The following NKIRAS1 variants were observed in gnomAD, a reference collection of about 807,000 sequenced individuals.
The protein encoded by NKIRAS1 is NFKB inhibitor interacting Ras like 1.
In NKIRAS1, 16 loss-of-function variants were observed where a neutral mutation model predicts 19.8. The observed-to-expected ratio is 0.81, with a 90% confidence interval of 0.55 to 1.23. The LOEUF is 1.23. Among genes scored for constraint, NKIRAS1 ranks in the 50% most tolerant of loss-of-function variants. The pLI is 0.00. For synonymous variants in NKIRAS1, 88 were observed against 79.0 expected, an observed-to-expected ratio of 1.11 and a Z score of -0.61; for missense variants, 184 against 220.0, an observed-to-expected ratio of 0.84 and a Z score of 1.04.
intron 1 of NKIRAS1, among the ~76,000 whole-genome samples, chr3:23,914,173 A>T (rs1575106319): frequency 9.5e-5 from 1 of 10,532 alleles, no homozygotes; most frequent in East Asian, 5.0e-4. Flanking sequence ...CTTGAGGCTA[A>T]AAAAAAAAAA....
At position 23,892,973 on chromosome 3, in the gene NKIRAS1, G is replaced by A; in HGVS notation, c.*122C>T. 1 of 1,032,144 alleles carries A rather than the reference G, an allele frequency of 9.7e-7. No individual in the cohort carries two copies. The highest frequency in any genetic ancestry group is 1.3e-6 in the Non-Finnish European group (1 of 749,564). The allele number at this position is 1,032,144 out of a possible 1,614,324, so 63.9% of individuals were successfully genotyped here. A position where few individuals can be genotyped will look rare whatever the true frequency, so the allele number is the denominator to read the frequency against. Reference sequence around the variant, plus strand: ...AAAGTGCATTAATTGACTTCCTTAGGAATTTTCCTAAGGACCAAAGGTAGA... The same window carrying A: ...AAAGTGCATTAATTGACTTCCTTAGAAATTTTCCTAAGGACCAAAGGTAGA... On this transcript the variant is annotated 3_prime_UTR_variant, in exon 5 of 5. Coordinates refer to ENST00000425478, the MANE Select transcript of NKIRAS1 (RefSeq NM_020345.4).
chr3:23,918,324 A>T, upstream of NKIRAS1: 1 of 1,213,620 alleles, frequency 8.2e-7, no homozygotes, highest in African/African-American at 1.5e-5. Flanking sequence ...TTTTTCTATT[A>T]GATAGCATTA....
At chr3:23,916,722 G>GCGCGGAGACGCGGAGACGCGGAGA (rs3842579) in intron 1 of NKIRAS1, 62 bp downstream of exon 1, 1 of 152,164 alleles carries the variant, frequency 6.6e-6, no homozygotes, top group African/African-American at 2.4e-5. Flanking sequence ...GGACAGCGCA[G>GCGCGGAGACGCGGAGACGCGGAGA]CGCGGAGACG....
chr3:23,912,837 C>A (rs1000005534), intron 1 of NKIRAS1, among the ~76,000 whole-genome samples: 1 of 151,832 alleles, frequency 6.6e-6, no homozygotes, highest in Non-Finnish European at 1.5e-5. Flanking sequence ...ATGCCACATA[C>A]GTCGGGCGCG....
In NKIRAS1 at chr3:23,900,905, T is replaced by A. The variant is rs748870736; in HGVS notation, c.239A>T (p.Asp80Val). 4.3e-6 allele frequency: 7 copies of A among 1,614,140 alleles called. No individual in the cohort carries two copies. Among genetic ancestry groups the A allele is most frequent in the Non-Finnish European group, 5.9e-6 (7 of 1,179,994 alleles). The change falls in exon 4 of 5, where the codon GAT becomes GTT. Residue 80 changes from aspartate (D) to valine (V), a missense_variant. By Grantham distance (152) the Asp-to-Val change is radical. Transcript: ENST00000425478. ...CACACTGTACACAAGAACGAAGCCA[T>A]CAGCAAATGAAAAATAATGCTTTGG... ...ELPKHYFSFA[D>V]GFVLVYSVNN...
chr3:23,915,798 T>C (rs1421977276), intron 1 of NKIRAS1, among the ~76,000 whole-genome samples: 2 of 152,166 alleles, frequency 1.3e-5, no homozygotes, highest in Non-Finnish European at 1.5e-5. Context: ...CAGACTCCTA[T>C]CCTTGAAGTC....
In NKIRAS1 at chr3:23,890,536, C is replaced by G. The variant is rs1420425132; in HGVS notation, c.*2559G>C. 1 of 1,613,234 alleles carries G rather than the reference C, an allele frequency of 6.2e-7. No individual in the cohort carries two copies. Among genetic ancestry groups the G allele is most frequent in the Non-Finnish European group, 8.5e-7 (1 of 1,179,668 alleles). On this transcript the variant is annotated 3_prime_UTR_variant, in exon 5 of 5. Coordinates refer to ENST00000425478, the MANE Select transcript of NKIRAS1 (RefSeq NM_020345.4). Reference sequence around the variant, plus strand: ...GACCCCTTGGTGGGAAGTATTGCCACTCAGTATATGACCAACAGAGCAGAA... The same window carrying G: ...GACCCCTTGGTGGGAAGTATTGCCAGTCAGTATATGACCAACAGAGCAGAA...
At chr3:23,893,822 A>G (rs1365728644) in intron 4 of NKIRAS1, among the ~76,000 whole-genome samples, 5 of 130,294 alleles carry the variant, frequency 3.8e-5, no homozygotes, top group Non-Finnish European at 8.2e-5. Context: ...AAAAAAAAAA[A>G]TGCAGATGCT....
intron 1 of NKIRAS1, among the ~76,000 whole-genome samples, chr3:23,940,553 TCA>T (rs1705474826): frequency 6.6e-6 from 1 of 152,200 alleles, no homozygotes; most frequent in South Asian, 2.1e-4. Flanking sequence ...ATGGATTGAT[TCA>T]GTTTGAATTA....
At chr3:23,918,554 G>T, upstream of NKIRAS1, 1 of 1,613,980 alleles carries the variant, frequency 6.2e-7, no homozygotes, top group African/African-American at 1.3e-5. Flanking sequence ...AAGTTTGCTC[G>T]AAGCCTTCAG....
At chr3:23,934,896 G>T (rs969535417) in intron 1 of NKIRAS1, among the ~76,000 whole-genome samples, 3 of 150,526 alleles carry the variant, frequency 2.0e-5, no homozygotes, top group African/African-American at 7.3e-5. Context: ...TTAATCTATA[G>T]AAGATTGCTT....
chr3:23,915,912 T>A (rs2125441375), intron 1 of NKIRAS1: 1 of 152,332 alleles, frequency 6.6e-6, no homozygotes, highest in East Asian at 1.9e-4. Flanking sequence ...TCCCCTTATC[T>A]TTTTTCCTTA....
chr3:23,929,488 G>A (rs574215042), intron 1 of NKIRAS1, among the ~76,000 whole-genome samples: 6 of 152,228 alleles, frequency 3.9e-5, no homozygotes, highest in South Asian at 2.1e-4. Flanking sequence ...GAGCAGTGGC[G>A]TGATCTTAGC....
At position 23,946,101 on chromosome 3, in the gene NKIRAS1, G is replaced by A. The variant is rs1015900628; in HGVS notation, c.-140+222C>T. 22 of 984,886 alleles carry A rather than the reference G, an allele frequency of 2.2e-5. No homozygotes were observed. In the Admixed American group the frequency reaches 3.7e-4, roughly 17 times the overall value. The allele number at this position is 984,886 out of a possible 1,614,324, so 61.0% of individuals were successfully genotyped here. A position where few individuals can be genotyped will look rare whatever the true frequency, so the allele number is the denominator to read the frequency against. ...GCTCCGCCCCTTTGGAAGCCTCGGG[G>A]CAGTGACGTCGCCGCGATTCCCTCC... On this transcript the variant is annotated intron_variant, in intron 1 of 4. Coordinates refer to the NKIRAS1 transcript ENST00000421515.
chr3:23,932,533 A>AC (rs1255113688), intron 1 of NKIRAS1, among the ~76,000 whole-genome samples: 1 of 152,038 alleles, frequency 6.6e-6, no homozygotes, highest in Non-Finnish European at 1.5e-5. Context: ...TACTAAAAAA[A>AC]CAAAATTAGC....
chr3:23,909,501 T>C (rs936448851), intron 3 of NKIRAS1, among the ~76,000 whole-genome samples: 1 of 152,170 alleles, frequency 6.6e-6, no homozygotes, highest in African/African-American at 2.4e-5. Context: ...CACTCAAGCC[T>C]GGGAGACAGG....
intron 1 of NKIRAS1, among the ~76,000 whole-genome samples, chr3:23,932,645 G>A (rs139167035): frequency 0.024 from 3,505 of 146,954 alleles, 170 homozygotes; most frequent in African/African-American, 0.085. Context: ...CCGAGATGGC[G>A]CCATTGCACT....
intron 4 of NKIRAS1, among the ~76,000 whole-genome samples, chr3:23,893,728 CAG>C (rs1701676519): frequency 7.2e-6 from 1 of 138,238 alleles, no homozygotes; most frequent in Non-Finnish European, 1.5e-5. Flanking sequence ...ACCCGGGAGG[CAG>C]AGAGGGTGCA....
At chr3:23,893,533 G>A (rs925894330) in intron 4 of NKIRAS1, among the ~76,000 whole-genome samples, 196 bp from the exon 5 acceptor site, 1 of 152,134 alleles carries the variant, frequency 6.6e-6, no homozygotes, top group East Asian at 1.9e-4. Flanking sequence ...TCGGCCGGGC[G>A]TGCTGGCTCA....
Sources: allele counts gnomAD v4.1 joint callset (sites outside exome capture counted in the v4.1 genomes callset), GRCh38; gene constraint gnomAD v4.1.1; transcripts MANE v1.5; gene names NCBI Gene and HGNC (gene_info 2026-07-23, HGNC 2026-07-21).